CTNNBL1: variants seen among roughly 807,000 people sequenced by gnomAD.
CTNNBL1 encodes the protein beta-catenin-like protein 1.
Under a neutral mutation model 72.7 loss-of-function variants are expected in CTNNBL1, and 31 were observed. The observed-to-expected ratio is 0.43, with a 90% CI of 0.32 to 0.58. The LOEUF (loss-of-function observed/expected upper bound fraction) is 0.58. Ranked by LOEUF, CTNNBL1 falls within the 20% of genes least tolerant of loss-of-function variation. The probability of loss-of-function intolerance (pLI) is 0.08; values close to 1 mark genes in which losing one functional copy is unlikely to be tolerated. For missense variants in CTNNBL1, 534 were observed against 725.1 expected (o/e 0.74, Z 3.03); for synonymous variants, 240 against 267.3 (o/e 0.90, Z 1.00).
intron 3 of CTNNBL1, among the ~76,000 whole-genome samples, chr20:37,741,180 G>A (rs758856815): frequency 2.0e-5 from 3 of 152,094 alleles, no homozygotes; most frequent in Non-Finnish European, 2.9e-5. Flanking sequence ...TTGCTTTCCC[G>A]TCACCTCTAA....
chr20:37,871,820 T>C, intron 15 of CTNNBL1, 105 bp from the exon 16 acceptor site: 2 of 1,001,414 alleles, frequency 2.0e-6, no homozygotes, highest in South Asian at 2.7e-5. Flanking sequence ...TTAGGGCGAC[T>C]TGCACCTCTG....
At chr20:37,850,786 C>G (rs2076611070) in intron 13 of CTNNBL1, among the ~76,000 whole-genome samples, 1 of 152,142 alleles carries the variant, frequency 6.6e-6, no homozygotes, top group Non-Finnish European at 1.5e-5. Flanking sequence ...CAATTCCCAC[C>G]CATGACTGGA....
rs527780181 is a variant in CTNNBL1 at position 37,855,950 on chromosome 20, C to G, written c.1393-3949C>G. On this transcript the variant is annotated intron_variant, in intron 13 of 15. Transcript: ENST00000361383. ...TTGGCAAATGCTTTCCAAGAGCCTA[C>G]TAAGGGCTGGGCACAGCGCCTCATG... 2.0e-5 allele frequency among the ~76,000 whole-genome samples: 3 copies of G among 151,828 alleles called. No individual in the cohort carries two copies. The South Asian group carries it at 6.3e-4, about 32-fold the overall frequency.
chr20:37,763,853 T>C (rs1482411425), intron 5 of CTNNBL1, among the ~76,000 whole-genome samples: 3 of 152,176 alleles, frequency 2.0e-5, no homozygotes, highest in African/African-American at 7.2e-5. Context: ...GAGAATTACA[T>C]GAGGATAAAT....
chr20:37,863,534 C>G (rs1212766209), intron 15 of CTNNBL1, among the ~76,000 whole-genome samples: 1 of 152,162 alleles, frequency 6.6e-6, no homozygotes, highest in East Asian at 1.9e-4. Context: ...GTACCCAAAC[C>G]AGGCAGAGGG....
intron 13 of CTNNBL1, among the ~76,000 whole-genome samples, chr20:37,850,966 A>G (rs1249776457): frequency 6.6e-6 from 1 of 152,196 alleles, no homozygotes; most frequent in Non-Finnish European, 1.5e-5. Flanking sequence ...CCGCATGCTT[A>G]TTTGGAGGGC....
chr20:37,836,081 TC>T (rs2072251036), intron 11 of CTNNBL1, among the ~76,000 whole-genome samples: 1 of 152,214 alleles, frequency 6.6e-6, no homozygotes, highest in Admixed American at 6.5e-5. Context: ...TATTTTAAAC[TC>T]CATTGGTAGG....
chr20:37,708,465 C>T (rs2072909324), intron 1 of CTNNBL1, among the ~76,000 whole-genome samples: 1 of 152,152 alleles, frequency 6.6e-6, no homozygotes, highest in Admixed American at 6.5e-5. Context: ...AGCCACCGCG[C>T]CCAGCTGATA....
At chr20:37,795,742 TA>T (rs1231144173) in intron 10 of CTNNBL1, among the ~76,000 whole-genome samples, 1 of 152,212 alleles carries the variant, frequency 6.6e-6, no homozygotes, top group African/African-American at 2.4e-5. Context: ...ATTGTAGTTA[TA>T]ATTATGCTTT....
intron 13 of CTNNBL1, among the ~76,000 whole-genome samples, chr20:37,852,834 T>G (rs1313336124): frequency 6.6e-6 from 1 of 152,172 alleles, no homozygotes; most frequent in Non-Finnish European, 1.5e-5. Flanking sequence ...TTCCCTGATC[T>G]CGTGCAGGCT....
intron 10 of CTNNBL1, among the ~76,000 whole-genome samples, chr20:37,785,291 G>C (rs1477371451): frequency 6.6e-6 from 1 of 152,048 alleles, no homozygotes; most frequent in Non-Finnish European, 1.5e-5. Flanking sequence ...TTTTGTTCTT[G>C]CATATTGATA....
At chr20:37,777,294 A>G (rs779121323) in intron 7 of CTNNBL1, 51 bp from the exon 8 acceptor site, 4 of 1,438,672 alleles carry the variant, frequency 2.8e-6, no homozygotes, top group Admixed American at 1.7e-5. Context: ...TGTCCTGGGG[A>G]AGGAAGCAAG....
chr20:37,767,953 C>T lies in CTNNBL1; in HGVS notation c.659C>T (p.Ala220Val). 1 of 1,613,760 alleles carries T rather than the reference C, an allele frequency of 6.2e-7. No homozygotes were observed. Among genetic ancestry groups the T allele is most frequent in the South Asian group, 1.1e-5 (1 of 91,070 alleles). The change falls in exon 7 of 16, where the codon GCT (alanine) becomes GTT (valine). Residue 220 changes from alanine to valine, a missense_variant and splice_region_variant. Ala to Val is a moderately conservative substitution (Grantham distance 64, BLOSUM62 0). Coordinates refer to ENST00000361383, the MANE Select transcript of CTNNBL1 (RefSeq NM_030877.5). ...EEADGVHNTL[A>V]IVENMAEFRP... ...ATGACTGGTGTCTGTCTCCCTTCAGCTATTGTGGAAAACATGGCTGAGTTC... is the reference window on the plus strand; with the variant it reads ...ATGACTGGTGTCTGTCTCCCTTCAGTTATTGTGGAAAACATGGCTGAGTTC...
chr20:37,803,147 G>A, intron 11 of CTNNBL1, 99 bp downstream of exon 11: 1 of 1,016,354 alleles, frequency 9.8e-7, no homozygotes, highest in South Asian at 1.6e-5. Context: ...GGGGGATAGA[G>A]GGGAAGAGTG....
At chr20:37,796,981 A>G (rs1350251697) in intron 10 of CTNNBL1, among the ~76,000 whole-genome samples, 2 of 152,164 alleles carry the variant, frequency 1.3e-5, no homozygotes, top group Non-Finnish European at 2.9e-5. Flanking sequence ...TGATATGGGT[A>G]GTGATGTGTT....
At chr20:37,779,089 TAG>T in intron 9 of CTNNBL1, 96 bp from the exon 10 acceptor site, 1 of 1,209,952 alleles carries the variant, frequency 8.3e-7, no homozygotes, top group Non-Finnish European at 1.2e-6. Context: ...TCCTCAGTCG[TAG>T]AGTTATGACC....
intron 5 of CTNNBL1, among the ~76,000 whole-genome samples, chr20:37,763,186 A>G (rs1487343134): frequency 6.6e-6 from 1 of 152,212 alleles, no homozygotes; most frequent in African/African-American, 2.4e-5. Context: ...AGGGAAAAAC[A>G]TACTGTGACA....
chr20:37,820,844 AC>A (rs1487125429), intron 11 of CTNNBL1, among the ~76,000 whole-genome samples: 5 of 152,174 alleles, frequency 3.3e-5, no homozygotes, highest in Non-Finnish European at 7.4e-5. Flanking sequence ...GTGAATGTGA[AC>A]TAATACACAA....
rs1038587627 is a variant in CTNNBL1 at position 37,694,087 on chromosome 20, G to C, written c.-36G>C. The C allele has an allele frequency of 3.7e-6, 6 of 1,600,990 alleles. No individual in the cohort carries two copies. The highest frequency in any genetic ancestry group is 1.3e-5 in the African/African-American group (1 of 74,130). ...TGACGGGCCCGCGGTCTGGGCGTGA[G>C]TGCAGGGAAGTGGAGTATTTGCTGG... On this transcript the variant is annotated 5_prime_UTR_variant, in exon 1 of 16. Coordinates refer to ENST00000361383, the MANE Select transcript of CTNNBL1 (RefSeq NM_030877.5).
Sources: allele counts gnomAD v4.1 joint callset (sites outside exome capture counted in the v4.1 genomes callset), GRCh38; gene constraint gnomAD v4.1.1; transcripts MANE v1.5; gene names NCBI Gene and HGNC (gene_info 2026-07-23, HGNC 2026-07-21).